The following CFAP99 variants were observed in gnomAD, a reference collection of about 807,000 sequenced individuals.
CFAP99 encodes the protein cilia- and flagella-associated protein 99.
Under a neutral mutation model 82.7 loss-of-function variants are expected in CFAP99, and 84 were observed. The observed-to-expected ratio is 1.02, with a 90% CI of 0.85 to 1.22. The LOEUF (loss-of-function observed/expected upper bound fraction) is 1.22. CFAP99 is among the 50% of genes most tolerant of loss of function. The pLI is 0.00. For synonymous variants in CFAP99, 456 were observed against 429.5 expected (o/e 1.06, Z -0.76); for missense variants, 1,059 against 983.5 (o/e 1.08, Z -1.03).
intron 11 of CFAP99, among the ~76,000 whole-genome samples, chr4:2,455,127 G>A (rs1031820799): frequency 3.3e-5 from 5 of 152,210 alleles, no homozygotes; most frequent in Admixed American, 6.5e-5. Context: ...CTCTAACTCC[G>A]GGGCTCAAGT....
intron 8 of CFAP99, among the ~76,000 whole-genome samples, chr4:2,450,593 A>G (rs1047208651): frequency 5.9e-5 from 9 of 152,146 alleles, no homozygotes; most frequent in Non-Finnish European, 8.8e-5. Flanking sequence ...CCGGGAGCAG[A>G]CAGGCTCGGG....
chr4:2,454,594 G>GGT (rs1560388808), intron 11 of CFAP99, among the ~76,000 whole-genome samples: 69 of 84,460 alleles, frequency 8.2e-4, no homozygotes, highest in African/African-American at 1.3e-3. Context: ...TTTTTTTTTT[G>GGT]TTTTTTTTTT....
At chr4:2,451,808 C>A (rs1734309581) in intron 10 of CFAP99, among the ~76,000 whole-genome samples, 1 of 151,960 alleles carries the variant, frequency 6.6e-6, no homozygotes, top group Non-Finnish European at 1.5e-5. Context: ...GCAAGGGTGG[C>A]CAGGCTAGCA....
rs1390959934 is a variant in CFAP99, at chr4:2,426,360, TAC to T, written c.-17-97_-17-96del. 4 of 745,906 alleles carry T rather than the reference TAC, an allele frequency of 5.4e-6. No homozygotes were observed. In the African/African-American group the frequency reaches 6.9e-5, roughly 13 times the overall value. 46.2% of individuals were successfully genotyped at this position (745,906 alleles called of 1,614,324 possible). ...CAGTCACATCCGGTCTTCCTGCTGC[TAC>T]AGGCCCAACACCCTGGCAGACTCCT... On this transcript the variant is annotated intron_variant, in intron 1 of 14. Coordinates refer to ENST00000635017, the Ensembl canonical transcript of CFAP99.
chr4:2,458,852 C>T lies in CFAP99; in HGVS notation c.1291C>T (p.Arg431Ter), dbSNP rs780163447. ...GGCCCAGACGAAGCTCGCGAAGGGC[C>T]GACAGCAGACAGGTAGTCAGGAGCC... The change falls in exon 12 of 15, where the codon CGA (arginine) becomes TGA (stop). Residue 431 changes from arginine to a stop codon, truncating the protein, a stop_gained. Transcript: ENST00000635017. LOFTEE classifies it high-confidence loss of function. 4.7e-5 allele frequency: 72 copies of T among 1,534,772 alleles called. No homozygotes were observed. The highest frequency in any genetic ancestry group is 1.7e-4 in the Middle Eastern group (1 of 5,786).
chr4:2,440,208 A>G (rs28613706), intron 4 of CFAP99, among the ~76,000 whole-genome samples: 17,979 of 113,162 alleles, frequency 0.16, 1,046 homozygotes, highest in African/African-American at 0.31. Flanking sequence ...GTGCAGTGGC[A>G]GGATCTCGGC....
chr4:2,426,875 A>C, intron 2 of CFAP99: 2 of 376,828 alleles, frequency 5.3e-6, no homozygotes, highest in Non-Finnish European at 1.0e-5. Flanking sequence ...TCAGCCCTGG[A>C]GCGCCCCCAT....
At chr4:2,452,162 G>A in exon 11 of CFAP99, 1 of 1,536,188 alleles carries the variant, frequency 6.5e-7, no homozygotes, top group Non-Finnish European at 8.7e-7. Flanking sequence ...CTCGTGGATG[G>A]GGCTGGGGAC....
At position 2,449,973 on chromosome 4, in the gene CFAP99, G is replaced by A. The variant is rs186007731; in HGVS notation, c.763G>A (p.Ala255Thr). The change falls in exon 8 of 15, where the codon GCC (alanine) becomes ACC (threonine). Residue 255 changes from alanine (A) to threonine (T), a missense_variant. By Grantham distance (58) the Ala-to-Thr change is moderately conservative. Transcript: ENST00000635017. ...GGCAAACATCGAGGAACTGCGCTGC[G>A]CCATGCCCAGGTCCTGCAGGGAGCG... The A allele has an allele frequency of 1.3e-4, 199 of 1,536,162 alleles. 3 individuals are homozygous for A. In the African/African-American group the frequency reaches 1.8e-3, roughly 14 times the overall value.
intron 2 of CFAP99, 45 bp downstream of exon 2, chr4:2,426,631 T>A: frequency 8.1e-7 from 1 of 1,237,826 alleles, no homozygotes; most frequent in Non-Finnish European, 1.1e-6. Context: ...CAATGGCACC[T>A]GTTGTGCAGC....
At chr4:2,456,506 G>A (rs1302921161) in intron 11 of CFAP99, among the ~76,000 whole-genome samples, 4 of 151,882 alleles carry the variant, frequency 2.6e-5, no homozygotes, top group East Asian at 3.9e-4. Flanking sequence ...GTGAGACCCC[G>A]CGTCTACAAA....
chr4:2,436,780 G>A (rs1026066352), intron 2 of CFAP99, 94 bp from the exon 3 acceptor site: 57 of 1,039,530 alleles, frequency 5.5e-5, no homozygotes, highest in South Asian at 1.6e-4. Context: ...CCCCGGGGCC[G>A]CTCCACCCCT....
intron 11 of CFAP99, 123 bp from the exon 12 acceptor site, chr4:2,458,600 G>C (rs995547460): frequency 7.8e-7 from 1 of 1,276,062 alleles, no homozygotes; most frequent in Non-Finnish European, 1.0e-6. Flanking sequence ...TGGGTTCTGG[G>C]GTGATTCAAG....
intron 2 of CFAP99, 112 bp downstream of exon 2, chr4:2,426,698 G>T: frequency 1.4e-6 from 1 of 713,914 alleles, no homozygotes; most frequent in Non-Finnish European, 2.4e-6. Context: ...TCCACATGGG[G>T]AGAAGCTGAC....
In CFAP99 at chr4:2,462,906, C is replaced by CGCCGCCTGGAG; in HGVS notation, c.2134_2144dup (p.Ter715TrpfsTer?). On this transcript the variant is annotated frameshift_variant, in exon 15 of 15. Transcript: ENST00000635017. LOFTEE classifies it high-confidence loss of function. The surrounding 1 kb of genome is among the most constrained non-coding windows in gnomAD (Gnocchi z 4.1). ...GGGAGGCTCAGGACCCGGGCCCGCG[C>CGCCGCCTGGAG]GCCGCCTGGAGGCCGCCTGAGCCGG... 1.5e-6 allele frequency: 2 copies of CGCCGCCTGGAG among 1,313,934 alleles called. No individual in the cohort carries two copies. Among genetic ancestry groups the CGCCGCCTGGAG allele is most frequent in the Non-Finnish European group, 1.9e-6 (2 of 1,038,144 alleles). The allele number at this position is 1,313,934 out of a possible 1,614,324, so 81.4% of individuals were successfully genotyped here.
At chr4:2,421,538 G>T (rs1733585455) in intron 1 of CFAP99, among the ~76,000 whole-genome samples, 1 of 151,898 alleles carries the variant, frequency 6.6e-6, no homozygotes, top group Non-Finnish European at 1.5e-5. Context: ...ATTTTTAGTA[G>T]AGATGGGTTT....
chr4:2,452,266 C>T (rs531405230), exon 11 of CFAP99: 2 of 1,535,990 alleles, frequency 1.3e-6, no homozygotes, highest in East Asian at 2.4e-5. Context: ...GCAAGGGAAG[C>T]TTAGCCATGA....
intron 12 of CFAP99, 90 bp from the exon 13 acceptor site, chr4:2,459,017 C>G: frequency 6.9e-7 from 1 of 1,449,320 alleles, no homozygotes; most frequent in African/African-American, 1.4e-5. Flanking sequence ...GGCCAGAGTC[C>G]TGGCTGGGGA....
exon 11 of CFAP99, chr4:2,452,144 T>C: frequency 6.5e-7 from 1 of 1,535,936 alleles, no homozygotes; most frequent in South Asian, 1.2e-5. Flanking sequence ...TTGCCCAGGG[T>C]TGATAAGCTC....
Sources: allele counts gnomAD v4.1 joint callset (sites outside exome capture counted in the v4.1 genomes callset), GRCh38; gene constraint gnomAD v4.1.1; non-coding constraint Gnocchi (gnomAD v3.1); transcripts MANE v1.5; gene names NCBI Gene and HGNC (gene_info 2026-07-23, HGNC 2026-07-21).